Variants in ITSN1 observed in about 807,000 individuals in gnomAD.
The protein encoded by ITSN1 is intersectin 1, also known as intersectin-1.
In ITSN1, 58 loss-of-function variants were observed where a neutral mutation model predicts 239.8. The observed-to-expected ratio is 0.24, with a 90% CI of 0.20 to 0.30. The LOEUF (loss-of-function observed/expected upper bound fraction) is 0.30. Among genes scored for constraint, ITSN1 ranks in the 10% least tolerant of loss-of-function variants. ITSN1 has a pLI of 1.00. For missense variants in ITSN1, 1,558 were observed against 2,103.3 expected (o/e 0.74, Z 5.07); for synonymous variants, 780 against 770.8 (o/e 1.01, Z -0.20).
At chr21:33,756,098 T>G (rs1419938749) in intron 8 of ITSN1, among the ~76,000 whole-genome samples, 1 of 151,710 alleles carries the variant, frequency 6.6e-6, no homozygotes, top group Non-Finnish European at 1.5e-5. Context: ...TCACCTGAGG[T>G]CAGGAGTTCA....
chr21:33,674,968 A>G (rs1418630211), intron 1 of ITSN1, among the ~76,000 whole-genome samples: 7 of 152,220 alleles, frequency 4.6e-5, no homozygotes, highest in Non-Finnish European at 8.8e-5. Flanking sequence ...AAAGAAAAAG[A>G]AAGATCATAA....
chr21:33,867,269 C>G lies in ITSN1; in HGVS notation c.4111C>G (p.Leu1371Val), dbSNP rs1052822780. 1.2e-6 allele frequency: 2 copies of G among 1,610,272 alleles called. No homozygotes were observed. Among genetic ancestry groups the G allele is most frequent in the East Asian group, 2.2e-5 (1 of 44,850 alleles). ...AMDPRCKGMP[L>V]SSFILKPMQR... is the part of the protein sequence containing the mutation. ...GGATCCTCGGTGTAAAGGGATGCCA[C>G]TCTCTAGTTTTATACTGAAGCCTAT... Residue 1371 changes from leucine (L) to valine (V), a missense_variant, in exon 33 of 40, where the codon CTC becomes GTC. Around this residue, in one of 2 missense-constraint regions of ITSN1, gnomAD observed 576 missense variants for 893.3 expected, o/e 0.64. Coordinates refer to ENST00000381318, the MANE Select transcript of ITSN1 (RefSeq NM_003024.3).
chr21:33,660,720 T>C (rs2089484933), intron 1 of ITSN1, among the ~76,000 whole-genome samples: 1 of 152,226 alleles, frequency 6.6e-6, no homozygotes, highest in South Asian at 2.1e-4. Context: ...TATTTTGTGA[T>C]ACTGTACCAA....
chr21:33,691,127 G>A (rs2091528194), intron 1 of ITSN1, among the ~76,000 whole-genome samples: 1 of 151,952 alleles, frequency 6.6e-6, no homozygotes, highest in South Asian at 2.1e-4. Flanking sequence ...AACACACTGT[G>A]CCAGAATTGT....
intron 5 of ITSN1, 69 bp downstream of exon 5, chr21:33,735,273 T>C (rs1409940918): frequency 3.4e-6 from 5 of 1,477,014 alleles, no homozygotes; most frequent in Admixed American, 1.7e-5. Flanking sequence ...TTCCTTTTTT[T>C]CCCTCTCGGT....
At chr21:33,858,984 ATC>A (rs1273708541) in intron 31 of ITSN1, among the ~76,000 whole-genome samples, 192 bp downstream of exon 31, 2 of 151,652 alleles carry the variant, frequency 1.3e-5, no homozygotes, top group Admixed American at 6.6e-5. Context: ...CGCACTCCGA[ATC>A]TCTCATTGCA....
rs973606114 is a variant in ITSN1 at position 33,896,544 on chromosome 21, C to G, written c.*8244C>G. 1 of 152,292 alleles carries G rather than the reference C, an allele frequency of 6.6e-6. No individual in the cohort carries two copies. The highest frequency in any genetic ancestry group is 1.5e-5 in the Non-Finnish European group (1 of 68,094). 9.4% of individuals were successfully genotyped at this position (152,292 alleles called of 1,614,324 possible). The stretch of plus-strand genomic sequence containing the variant: ...GCCCAGCTGGGCCACACGATCTGGT[C>G]TGCGGGTGTCTGGGAGGAACCTGCT... On this transcript the variant is annotated 3_prime_UTR_variant, in exon 40 of 40. Transcript: ENST00000381318.
At chr21:33,676,991 C>T (rs1450958039) in intron 1 of ITSN1, among the ~76,000 whole-genome samples, 2 of 145,098 alleles carry the variant, frequency 1.4e-5, no homozygotes, top group Non-Finnish European at 3.0e-5. Context: ...GAACATCACA[C>T]ACCGGGACCT....
chr21:33,766,618 A>G (rs1391292299), intron 10 of ITSN1, among the ~76,000 whole-genome samples: 1 of 152,234 alleles, frequency 6.6e-6, no homozygotes, highest in Non-Finnish European at 1.5e-5. Flanking sequence ...GAATGAAAGA[A>G]AGATTAAGAT....
Position 33,750,309 on chromosome 21 carries a change from A to G in ITSN1, c.513A>G (p.Ala171=). 6.2e-7 allele frequency: 1 copy of G among 1,613,008 alleles called. No homozygotes were observed. The highest frequency in any genetic ancestry group is 8.5e-7 in the Non-Finnish European group (1 of 1,179,990). Reference sequence around the variant, plus strand: ...CCCCTGTTATACAACCTCTGCCTGCATTTGCTCATCCTGGTATGTGACTTG... The same window carrying G: ...CCCCTGTTATACAACCTCTGCCTGCGTTTGCTCATCCTGGTATGTGACTTG... ...GAPPVIQPLP[A]FAHPAATLPK... is the part of the protein sequence containing the mutation. The change falls in exon 6 of 40, where the codon GCA becomes GCG. Residue 171 remains alanine (A), a synonymous_variant. Transcript: ENST00000381318.
rs770995793 is a variant in ITSN1, at chr21:33,772,097, G to A, written c.1079G>A (p.Arg360His). ...GATAAGAAGCGGGAGAACTTTGAAC[G>A]TGGCAACCTGGAACTGGAGAAACGA... ...FEDKKRENFERGNLELEKRRQ... is the reference protein window; with the variant it reads ...FEDKKRENFEHGNLELEKRRQ... The change falls in exon 12 of 40, where the codon CGT becomes CAT. Residue 360 changes from arginine (R) to histidine (H), a missense_variant. Arg to His is a conservative substitution (Grantham distance 29, BLOSUM62 0). This residue lies in a region of ITSN1 where 982 missense variants were observed against 1,209.9 expected (regional missense o/e 0.81). Transcript: ENST00000381318. 3 of 1,614,186 alleles carry A rather than the reference G, an allele frequency of 1.9e-6. No homozygotes were observed. Among genetic ancestry groups the A allele is most frequent in the South Asian group, 2.2e-5 (2 of 91,078 alleles).
Position 33,797,476 on chromosome 21 carries a change from A to G in ITSN1, c.2050A>G (p.Arg684Gly). The change falls in exon 18 of 40, where the codon AGG becomes GGG. Residue 684 changes from arginine to glycine, a missense_variant. Arg to Gly is a moderately radical substitution (Grantham distance 125, BLOSUM62 -2). Around this residue, in one of 2 missense-constraint regions of ITSN1, gnomAD observed 982 missense variants for 1,209.9 expected, o/e 0.81. Transcript: ENST00000381318. The surrounding 1 kb of genome is among the most constrained non-coding windows in gnomAD (Gnocchi z 4.9). ...RKLHEEEKLKREESVKKKDGE... is the reference protein window; with the variant it reads ...RKLHEEEKLKGEESVKKKDGE... ...ACTCCACGAAGAGGAAAAACTGAAA[A>G]GGGAGGAGAGTGTCAAAAAGAAGGA... is the stretch of plus-strand genomic sequence containing the variant. 1 of 1,614,142 alleles carries G rather than the reference A, an allele frequency of 6.2e-7. No individual in the cohort carries two copies. The highest frequency in any genetic ancestry group is 1.1e-5 in the South Asian group (1 of 91,078).
intron 9 of ITSN1, among the ~76,000 whole-genome samples, chr21:33,763,000 A>G (rs1460358255): frequency 6.6e-6 from 1 of 151,972 alleles, no homozygotes; most frequent in Non-Finnish European, 1.5e-5. Context: ...GCAATAGCTC[A>G]CCTAAGTTTT....
intron 8 of ITSN1, among the ~76,000 whole-genome samples, chr21:33,756,236 C>G (rs776710544): frequency 4.6e-5 from 6 of 129,554 alleles, no homozygotes; most frequent in Non-Finnish European, 9.4e-5. Flanking sequence ...TGCAGTGAGT[C>G]AAGATCATGC....
At chr21:33,644,528 G>C (rs904143416) in intron 1 of ITSN1, among the ~76,000 whole-genome samples, 1 of 152,128 alleles carries the variant, frequency 6.6e-6, no homozygotes, top group Non-Finnish European at 1.5e-5. Context: ...CTGAGTAAGA[G>C]AGGAAATGAA....
intron 26 of ITSN1, 139 bp downstream of exon 26, chr21:33,827,002 G>T: frequency 1.5e-6 from 1 of 687,714 alleles, no homozygotes; most frequent in East Asian, 2.7e-5. Context: ...TCCTTTCCTT[G>T]GAATCCATTA....
intron 1 of ITSN1, among the ~76,000 whole-genome samples, chr21:33,713,570 TA>T (rs2092478592): frequency 1.3e-5 from 2 of 152,090 alleles, no homozygotes; most frequent in African/African-American, 2.4e-5. Flanking sequence ...CAAATTACTA[TA>T]TTTTTTTCAA....
At chr21:33,730,810 A>G (rs1440270374) in intron 4 of ITSN1, among the ~76,000 whole-genome samples, 1 of 151,622 alleles carries the variant, frequency 6.6e-6, no homozygotes, top group Non-Finnish European at 1.5e-5. Context: ...AGCAATTCTC[A>G]TGCCTCAGTC....
At chr21:33,830,357 G>A (rs535006907) in intron 27 of ITSN1, among the ~76,000 whole-genome samples, 1 of 152,260 alleles carries the variant, frequency 6.6e-6, no homozygotes, top group East Asian at 1.9e-4. Flanking sequence ...TTCAGTAGGA[G>A]CAGAAAATGT....
Sources: allele counts gnomAD v4.1 joint callset (sites outside exome capture counted in the v4.1 genomes callset), GRCh38; gene constraint gnomAD v4.1.1; regional missense constraint gnomAD v4.1.1; non-coding constraint Gnocchi (gnomAD v3.1); transcripts MANE v1.5; gene names NCBI Gene and HGNC (gene_info 2026-07-23, HGNC 2026-07-21).